The following ROCK1 variants were observed in gnomAD, a reference collection of about 807,000 sequenced individuals.
The protein encoded by ROCK1 is rho-associated protein kinase 1.
ROCK1 carries 36 observed loss-of-function variants against 196.8 expected under a neutral mutation model. That is an observed-to-expected ratio of 0.18 (90% confidence interval 0.14 to 0.24). The LOEUF (loss-of-function observed/expected upper bound fraction) is 0.24, where lower values mean the gene tolerates loss of function less well. Among genes scored for constraint, ROCK1 ranks in the 10% least tolerant of loss-of-function variants. The probability of loss-of-function intolerance (pLI) is 1.00; values close to 1 mark genes in which losing one functional copy is unlikely to be tolerated. For synonymous variants in ROCK1, 443 were observed against 515.9 expected (o/e 0.86, Z 1.91); for missense variants, 920 against 1,562.0 (o/e 0.59, Z 6.93).
At chr18:21,077,852 T>C (rs2036447518) in intron 1 of ROCK1, among the ~76,000 whole-genome samples, 1 of 152,152 alleles carries the variant, frequency 6.6e-6, no homozygotes, top group African/African-American at 2.4e-5. Flanking sequence ...TCTGAGGCTT[T>C]TTTGGTATGT....
intron 13 of ROCK1, among the ~76,000 whole-genome samples, chr18:21,008,515 C>T (rs765022149): frequency 2.2e-4 from 34 of 152,148 alleles, no homozygotes; most frequent in Non-Finnish European, 4.4e-4. Flanking sequence ...TCAGGTGATC[C>T]GCCTGCCTCA....
At chr18:20,956,433 T>C (rs781717126) in intron 29 of ROCK1, among the ~76,000 whole-genome samples, 27 of 152,158 alleles carry the variant, frequency 1.8e-4, no homozygotes, top group Non-Finnish European at 2.9e-4. Flanking sequence ...CAATCCATGT[T>C]TGGATGAATA....
At chr18:21,088,403 C>A (rs1568406712) in intron 1 of ROCK1, among the ~76,000 whole-genome samples, 1 of 152,132 alleles carries the variant, frequency 6.6e-6, no homozygotes, top group Non-Finnish European at 1.5e-5. Flanking sequence ...GAGGCTGAGG[C>A]AGAAGGATAG....
intron 25 of ROCK1, chr18:20,968,346 G>A (rs547651500): frequency 5.3e-4 from 89 of 167,164 alleles, no homozygotes; most frequent in Non-Finnish European, 7.0e-4. Context: ...TTGCTCTGTC[G>A]CCCAGGCTGG....
chr18:20,984,812 G>A (rs2035563620), intron 19 of ROCK1, among the ~76,000 whole-genome samples: 1 of 152,046 alleles, frequency 6.6e-6, no homozygotes. Flanking sequence ...AGTACAAGGT[G>A]ATTATAAAAC....
chr18:21,042,167 G>A lies in ROCK1; in HGVS notation c.889C>T (p.Leu297Phe). The A allele has an allele frequency of 6.2e-7, 1 of 1,606,416 alleles. No homozygotes were observed. The highest frequency in any genetic ancestry group is 8.5e-7 in the Non-Finnish European group (1 of 1,177,068). Residue 297 changes from leucine to phenylalanine, a missense_variant, in exon 8 of 33, where the codon CTT (leucine) becomes TTT (phenylalanine). This residue lies in a region of ROCK1 where 234 missense variants were observed against 460.7 expected (regional missense o/e 0.51). Transcript: ENST00000399799. The stretch of plus-strand genomic sequence containing the variant: ...ATGTCATTATCATCAGGAAAGGTAA[G>A]TGAATTTTTATGGTTCATAATTTTA... ...YSKIMNHKNS[L>F]TFPDDNDISK...
intron 8 of ROCK1, among the ~76,000 whole-genome samples, chr18:21,040,087 A>G (rs2036092273): frequency 6.6e-6 from 1 of 152,186 alleles, no homozygotes; most frequent in Admixed American, 6.5e-5. Flanking sequence ...GAATAACTAC[A>G]AAAAACACCC....
chr18:21,110,574 T>C (rs1171790563), intron 1 of ROCK1, among the ~76,000 whole-genome samples: 1 of 152,220 alleles, frequency 6.6e-6, no homozygotes, highest in Non-Finnish European at 1.5e-5. Context: ...TAAGTATCTT[T>C]CGGGTACTCA....
intron 13 of ROCK1, among the ~76,000 whole-genome samples, chr18:21,008,464 G>A (rs2035787437): frequency 1.3e-5 from 2 of 152,190 alleles, no homozygotes; most frequent in East Asian, 1.9e-4. Context: ...GGTAGAGACG[G>A]CTTTTGCCAT....
chr18:21,046,614 T>A (rs931133159), intron 4 of ROCK1, among the ~76,000 whole-genome samples: 1 of 152,142 alleles, frequency 6.6e-6, no homozygotes, highest in African/African-American at 2.4e-5. Flanking sequence ...TAATGTGAAA[T>A]TAGCGAGGAT....
chr18:21,101,284 T>C (rs569254170), intron 1 of ROCK1, among the ~76,000 whole-genome samples: 1 of 152,344 alleles, frequency 6.6e-6, no homozygotes, highest in East Asian at 1.9e-4. Context: ...AGATCATGAA[T>C]GAATGGAACC....
At chr18:21,109,882 G>A (rs1169671255) in intron 1 of ROCK1, among the ~76,000 whole-genome samples, 12 of 151,760 alleles carry the variant, frequency 7.9e-5, no homozygotes, top group Admixed American at 6.6e-4. Flanking sequence ...TTATTTCACC[G>A]AAGACATTGT....
chr18:21,101,160 T>C (rs1458213451), intron 1 of ROCK1, among the ~76,000 whole-genome samples: 1 of 152,252 alleles, frequency 6.6e-6, no homozygotes, highest in East Asian at 1.9e-4. Flanking sequence ...GATATTAATA[T>C]GTAAAAGTTC....
intron 1 of ROCK1, among the ~76,000 whole-genome samples, chr18:21,075,702 C>T (rs1366344361): frequency 6.6e-6 from 1 of 152,010 alleles, no homozygotes; most frequent in Non-Finnish European, 1.5e-5. Flanking sequence ...ACCTGAAATC[C>T]CAGTACTTTG....
chr18:21,017,051 TCTC>T (rs918468743), intron 12 of ROCK1, among the ~76,000 whole-genome samples: 2 of 151,884 alleles, frequency 1.3e-5, no homozygotes, highest in African/African-American at 2.4e-5. Flanking sequence ...CTTCCACTCT[TCTC>T]CTAATAATTT....
chr18:20,961,490 A>G (rs770789517), intron 27 of ROCK1, among the ~76,000 whole-genome samples: 12 of 152,176 alleles, frequency 7.9e-5, no homozygotes, highest in Admixed American at 2.0e-4. Context: ...TCTTTCACTT[A>G]CAAAAGAAGA....
intron 22 of ROCK1, 71 bp from the exon 23 acceptor site, chr18:20,970,584 A>T: frequency 1.0e-6 from 1 of 997,058 alleles, no homozygotes; most frequent in Admixed American, 2.4e-5. Flanking sequence ...TCATATTCTT[A>T]AAAACACAAT....
intron 1 of ROCK1, among the ~76,000 whole-genome samples, chr18:21,070,932 C>T (rs2036378960): frequency 6.6e-6 from 1 of 152,136 alleles, no homozygotes; most frequent in Non-Finnish European, 1.5e-5. Context: ...CTTACTACTG[C>T]ATTTATCTTT....
intron 9 of ROCK1, among the ~76,000 whole-genome samples, chr18:21,032,506 G>GTTTTTTTTTGT (rs2036017335): frequency 7.7e-6 from 1 of 129,254 alleles, no homozygotes; most frequent in African/African-American, 2.9e-5. Flanking sequence ...AAATAGGAAA[G>GTTTTTTTTTGT]TTTTTTTTTT....
Sources: gnomAD v4.1 joint callset for allele counts (sites outside exome capture counted in the v4.1 genomes callset) on GRCh38, gnomAD v4.1.1 for gene constraint, gnomAD v4.1.1 regional missense constraint, MANE v1.5 for transcripts, NCBI Gene and HGNC (gene_info 2026-07-23, HGNC 2026-07-21) for gene names.